SLC35A3: variants seen among roughly 807,000 people sequenced by gnomAD.
SLC35A3 encodes solute carrier family 35 member A3, also known as UDP-N-acetylglucosamine transporter.
In SLC35A3, 26 loss-of-function variants were observed where a neutral mutation model predicts 39.0. The ratio of observed to expected loss-of-function variants is 0.67; its 90% CI spans 0.49 to 0.92. The LOEUF is 0.92. Ranked by LOEUF, SLC35A3 falls within the 40% of genes least tolerant of loss-of-function variation. The pLI is 0.00. For synonymous variants in SLC35A3, 135 were observed against 133.1 expected (o/e 1.01, Z -0.10); for missense variants, 299 against 371.6 (o/e 0.80, Z 1.61).
intron 1 of SLC35A3, among the ~76,000 whole-genome samples, chr1:99,981,302 G>A (rs1657434153): frequency 6.6e-6 from 1 of 152,024 alleles, no homozygotes; most frequent in African/African-American, 2.4e-5. Flanking sequence ...TTAACCTCTA[G>A]TAGACTGATA....
At chr1:99,992,068 AC>A (rs1365761926) in intron 1 of SLC35A3, among the ~76,000 whole-genome samples, 1 of 152,124 alleles carries the variant, frequency 6.6e-6, no homozygotes, top group Admixed American at 6.6e-5. Flanking sequence ...TTTTTTGTCT[AC>A]CATGGTAATG....
At chr1:100,001,656 T>G (rs1658813127) in intron 3 of SLC35A3, among the ~76,000 whole-genome samples, 1 of 152,158 alleles carries the variant, frequency 6.6e-6, no homozygotes, top group African/African-American at 2.4e-5. Context: ...AGGGACAATT[T>G]GACTTCCTCT....
At chr1:99,971,589 G>A (rs1329446688) in intron 1 of SLC35A3, among the ~76,000 whole-genome samples, 1 of 152,194 alleles carries the variant, frequency 6.6e-6, no homozygotes, top group Non-Finnish European at 1.5e-5. Context: ...TTACAGGCGT[G>A]AGCCACCGCA....
In SLC35A3 at chr1:100,028,093, C is replaced by T. The variant is rs1661013515; in HGVS notation, c.*5617C>T. 6.6e-6 allele frequency: 1 copy of T among 152,122 alleles called. No homozygotes were observed. The allele number at this position is 152,122 out of a possible 1,614,324, so 9.4% of individuals were successfully genotyped here. ...TAACTGGGATTACAGGCCATGCCAC[C>T]ACGCCCAACTAATTTTTGTATTTTT... On this transcript the variant is annotated 3_prime_UTR_variant, in exon 8 of 8. Transcript: ENST00000533028.
At chr1:99,970,396 G>C in intron 1 of SLC35A3, 1 of 619,094 alleles carries the variant, frequency 1.6e-6, no homozygotes, top group Non-Finnish European at 2.9e-6. Context: ...GGAATGTACT[G>C]GGTGGAGGAG....
intron 2 of SLC35A3, among the ~76,000 whole-genome samples, chr1:99,995,984 A>C (rs976589406): frequency 6.6e-6 from 1 of 152,222 alleles, no homozygotes; most frequent in African/African-American, 2.4e-5. Flanking sequence ...AACATTGTGG[A>C]GCCAAAGATA....
intron 2 of SLC35A3, among the ~76,000 whole-genome samples, chr1:99,998,718 A>G (rs529678598): frequency 1.3e-5 from 2 of 152,348 alleles, no homozygotes; most frequent in South Asian, 2.1e-4. Flanking sequence ...CTGAGTCTCT[A>G]TAAAAGCTTT....
Position 99,999,307 on chromosome 1 carries a change from T to G in SLC35A3, c.234T>G (p.Leu78=). 1.9e-6 allele frequency: 3 copies of G among 1,592,042 alleles called. No individual in the cohort carries two copies. Among genetic ancestry groups the G allele is most frequent in the Non-Finnish European group, 2.6e-6 (3 of 1,169,682 alleles). Residue 78 remains leucine, a synonymous_variant, in exon 3 of 8, where the codon CTT becomes CTG. Transcript: ENST00000533028. ...ALNRVLHDEI[L]NKPMETLKLA... is the part of the protein sequence containing the mutation. ...ATCGAGTACTACATGATGAAATTCT[T>G]AATAAACCTATGGAAACACTTAAAC...
At chr1:100,022,365 T>A in intron 7 of SLC35A3, 21 bp from the exon 8 acceptor site, 1 of 1,288,230 alleles carries the variant, frequency 7.8e-7, no homozygotes, top group Non-Finnish European at 1.1e-6. Flanking sequence ...CTCTTTTTTA[T>A]TTTGTCTTCA....
intron 1 of SLC35A3, among the ~76,000 whole-genome samples, chr1:99,991,771 A>T (rs554802658): frequency 5.3e-5 from 8 of 152,064 alleles, no homozygotes; most frequent in Admixed American, 5.2e-4. Flanking sequence ...TTTTTTGGAG[A>T]CGTAGTCTTG....
At chr1:99,974,559 G>A (rs1462654425) in intron 1 of SLC35A3, among the ~76,000 whole-genome samples, 6 of 152,010 alleles carry the variant, frequency 3.9e-5, no homozygotes, top group Non-Finnish European at 8.8e-5. Context: ...TGAACTCCTG[G>A]CCTCAAGCGA....
intron 1 of SLC35A3, among the ~76,000 whole-genome samples, chr1:99,984,782 A>C (rs1657654873): frequency 6.6e-6 from 1 of 152,134 alleles, no homozygotes; most frequent in African/African-American, 2.4e-5. Context: ...CTGTTCTTGC[A>C]GGATTAAAAT....
At chr1:100,005,560 C>T (rs947819756) in intron 3 of SLC35A3, among the ~76,000 whole-genome samples, 6 of 152,002 alleles carry the variant, frequency 3.9e-5, no homozygotes, top group African/African-American at 1.4e-4. Context: ...TTTTATGTGA[C>T]TGGCTTATTT....
intron 5 of SLC35A3, among the ~76,000 whole-genome samples, chr1:100,013,533 A>C (rs2101398885): frequency 6.6e-6 from 1 of 151,356 alleles, no homozygotes; most frequent in South Asian, 2.1e-4. Context: ...GGATCGCTTG[A>C]GTCCAAGAAG....
intron 1 of SLC35A3, among the ~76,000 whole-genome samples, chr1:99,986,368 A>G (rs79619969): frequency 0.013 from 2,038 of 151,332 alleles, 17 homozygotes; most frequent in Middle Eastern, 0.058. Context: ...GTTTTGCCAC[A>G]TTGCATAGGC....
chr1:99,972,561 T>A (rs1343647378), intron 1 of SLC35A3, among the ~76,000 whole-genome samples: 1 of 151,962 alleles, frequency 6.6e-6, no homozygotes. Context: ...GGTTTTGAAC[T>A]CCTGGCCTCA....
chr1:99,971,991 G>A (rs1249711205), intron 1 of SLC35A3, among the ~76,000 whole-genome samples: 2 of 151,804 alleles, frequency 1.3e-5, no homozygotes, highest in Admixed American at 6.6e-5. Context: ...TCCGTCTCCC[G>A]GGTTCAAGCG....
rs1433229398 is a variant in SLC35A3 at position 100,028,860 on chromosome 1, A to C, written c.*6384A>C. 2.0e-5 allele frequency: 3 copies of C among 152,226 alleles called. No homozygotes were observed. The highest frequency in any genetic ancestry group is 4.4e-5 in the Non-Finnish European group (3 of 68,042). The allele number at this position is 152,226 out of a possible 1,614,324, so 9.4% of individuals were successfully genotyped here. On this transcript the variant is annotated 3_prime_UTR_variant, in exon 8 of 8. Transcript: ENST00000533028. Reference sequence around the variant, plus strand: ...AAACTTACTAAAAGCTATTATACTCACAGTCATATTTATTACAGAGAAAGG... The same window carrying C: ...AAACTTACTAAAAGCTATTATACTCCCAGTCATATTTATTACAGAGAAAGG...
rs1037213968 is a variant in SLC35A3 at position 100,028,876 on chromosome 1, C to G, written c.*6400C>G. The G allele has an allele frequency of 5.3e-5, 8 of 152,178 alleles. No individual in the cohort carries two copies. The highest frequency in any genetic ancestry group is 1.7e-4 in the African/African-American group (7 of 41,430). 9.4% of individuals were successfully genotyped at this position (152,178 alleles called of 1,614,324 possible). On this transcript the variant is annotated 3_prime_UTR_variant, in exon 8 of 8. Coordinates refer to ENST00000533028, the MANE Select transcript of SLC35A3 (RefSeq NM_012243.3). The stretch of plus-strand genomic sequence containing the variant: ...ATTATACTCACAGTCATATTTATTA[C>G]AGAGAAAGGAAATACAAATTAAAAC...
Sources: allele counts gnomAD v4.1 joint callset (sites outside exome capture counted in the v4.1 genomes callset), GRCh38; gene constraint gnomAD v4.1.1; transcripts MANE v1.5; gene names NCBI Gene and HGNC (gene_info 2026-07-23, HGNC 2026-07-21).